Variants in NAAA observed in about 807,000 individuals in gnomAD.
The protein encoded by NAAA is N-acylethanolamine acid amidase.
In NAAA, 39 loss-of-function variants were observed where a neutral mutation model predicts 44.8. The observed-to-expected ratio is 0.87, with a 90% CI of 0.67 to 1.14. The LOEUF (loss-of-function observed/expected upper bound fraction) is 1.14, where lower values mean the gene tolerates loss of function less well. NAAA is among the 50% of genes most tolerant of loss of function. The pLI is 0.00. For synonymous variants in NAAA, 178 were observed against 191.3 expected (o/e 0.93, Z 0.58); for missense variants, 460 against 467.8 (o/e 0.98, Z 0.15).
chr4:75,920,890 T>A, intron 6 of NAAA, 61 bp downstream of exon 6: 1 of 1,612,938 alleles, frequency 6.2e-7, no homozygotes, highest in East Asian at 2.2e-5. Flanking sequence ...ACCCCTCATT[T>A]CACCGATTAA....
At chr4:75,920,605 C>T in intron 7 of NAAA, 133 bp downstream of exon 7, 1 of 1,085,224 alleles carries the variant, frequency 9.2e-7, no homozygotes, top group Non-Finnish European at 1.4e-6. Flanking sequence ...AGCCAAGGCA[C>T]TGGCGAAGGG....
At chr4:75,911,649 C>T (rs555466964), downstream of NAAA, among the ~76,000 whole-genome samples, 2 of 152,182 alleles carry the variant, frequency 1.3e-5, no homozygotes, top group East Asian at 3.9e-4. Flanking sequence ...CCAGTGGTTG[C>T]CAGAATGCAA....
At chr4:75,936,339 C>T in intron 2 of NAAA, 104 bp from the exon 3 acceptor site, 1 of 1,355,058 alleles carries the variant, frequency 7.4e-7, no homozygotes, top group Non-Finnish European at 1.0e-6. Context: ...AAAAGTTTTT[C>T]TTCCTTATAA....
downstream of NAAA, among the ~76,000 whole-genome samples, chr4:75,913,331 C>G (rs140645496): frequency 1.3e-3 from 194 of 152,050 alleles, no homozygotes; most frequent in African/African-American, 4.5e-3. Context: ...TTCCTCAAAC[C>G]CTCTTTGGGA....
chr4:75,918,779 A>C lies in NAAA; in HGVS notation c.980T>G (p.Val327Gly). The change falls in exon 9 of 11, where the codon GTG (valine) becomes GGG (glycine). Residue 327 changes from valine to glycine, a missense_variant. Val to Gly is a moderately radical substitution (Grantham distance 109, BLOSUM62 -3). Coordinates refer to ENST00000286733, the MANE Select transcript of NAAA (RefSeq NM_014435.4). ...CACTTACTTGTTATAAACTGGAACCACCGACAAAATCTGCATAGGAAAAAG... is the reference window on the plus strand; with the variant it reads ...CACTTACTTGTTATAAACTGGAACCCCCGACAAAATCTGCATAGGAAAAAG... ...SLEALFQILS[V>G]VPVYNNFTIY... is the part of the protein sequence containing the mutation. 1 of 1,613,166 alleles carries C rather than the reference A, an allele frequency of 6.2e-7. No individual in the cohort carries two copies. The highest frequency in any genetic ancestry group is 1.1e-5 in the South Asian group (1 of 91,072).
intron 9 of NAAA, among the ~76,000 whole-genome samples, chr4:75,915,300 G>C (rs1339336872): frequency 6.6e-6 from 1 of 152,122 alleles, no homozygotes; most frequent in Non-Finnish European, 1.5e-5. Context: ...ACTGAGCTGA[G>C]ATTGCGCCAC....
At chr4:75,915,085 A>C in intron 9 of NAAA, 100 bp from the exon 10 acceptor site, 1 of 864,532 alleles carries the variant, frequency 1.2e-6, no homozygotes, top group South Asian at 1.4e-5. Context: ...GAGATCTGGG[A>C]CAAGGCCCTT....
chr4:75,911,277 G>A (rs1038845243), downstream of NAAA: 17 of 510,280 alleles, frequency 3.3e-5, no homozygotes, highest in East Asian at 5.2e-5. Flanking sequence ...GGATGTATAC[G>A]TGCAGGTCAC....
rs188044405 is a variant in NAAA at position 75,917,713 on chromosome 4, G to A, written c.998+1048C>T. 105 of 355,562 alleles carry A rather than the reference G, an allele frequency of 3.0e-4. 1 individual carries two copies. In the East Asian group the frequency reaches 8.1e-3, roughly 27 times the overall value. The allele number at this position is 355,562 out of a possible 1,614,324, so 22.0% of individuals were successfully genotyped here. ...ACTCCTGACCTCAAGTGATCCACCC[G>A]CCTTGGCCTCCCAAAGGGCTGGGAT... is the stretch of plus-strand genomic sequence containing the variant. On this transcript the variant is annotated intron_variant, in intron 9 of 10. Coordinates refer to ENST00000286733, the MANE Select transcript of NAAA (RefSeq NM_014435.4).
intron 2 of NAAA, among the ~76,000 whole-genome samples, 182 bp from the exon 3 acceptor site, chr4:75,936,417 G>A (rs547466606): frequency 1.3e-5 from 2 of 152,242 alleles, no homozygotes; most frequent in African/African-American, 4.8e-5. Context: ...AACACAACTG[G>A]ATACAACTCA....
chr4:75,920,097 T>A, intron 7 of NAAA, 122 bp from the exon 8 acceptor site: 1 of 923,664 alleles, frequency 1.1e-6, no homozygotes, highest in East Asian at 2.4e-5. Context: ...CCAAAACAGA[T>A]TCTGGCCCCA....
chr4:75,917,693 T>G (rs904483718), intron 9 of NAAA: 1 of 329,392 alleles, frequency 3.0e-6, no homozygotes, highest in African/African-American at 2.2e-5. Flanking sequence ...CTTGAACTCC[T>G]GACCTCAAGT....
At chr4:75,915,049 A>G in intron 9 of NAAA, 64 bp from the exon 10 acceptor site, 1 of 1,216,316 alleles carries the variant, frequency 8.2e-7, no homozygotes, top group East Asian at 2.3e-5. Context: ...AAGGGAAGAA[A>G]ATGACCAAGT....
chr4:75,938,248 G>A (rs1727903080), intron 2 of NAAA, among the ~76,000 whole-genome samples: 1 of 152,210 alleles, frequency 6.6e-6, no homozygotes, highest in African/African-American at 2.4e-5. Context: ...CTTTGTTAAT[G>A]CTAGTGAATT....
chr4:75,928,192 C>T (rs1411164805), intron 4 of NAAA, among the ~76,000 whole-genome samples: 1 of 152,208 alleles, frequency 6.6e-6, no homozygotes, highest in East Asian at 1.9e-4. Context: ...TGAGTTCAAA[C>T]TTGGAGATTC....
chr4:75,927,120 A>C (rs1403629021), intron 4 of NAAA, among the ~76,000 whole-genome samples: 1 of 152,150 alleles, frequency 6.6e-6, no homozygotes, highest in Non-Finnish European at 1.5e-5. Flanking sequence ...GAGAAATGCA[A>C]ATCAAAACTA....
chr4:75,940,923 G>GC lies in NAAA; in HGVS notation c.26dup (p.Leu12AlafsTer93). On this transcript the variant is annotated frameshift_variant, in exon 1 of 11. Transcript: ENST00000286733. LOFTEE classifies it high-confidence loss of function. ...GCAGCAGCAGGGACGGAAGCCCCGG[G>GC]CGCGCCTCCCGGTCCGCGGTCCGCA... 2.0e-6 allele frequency: 3 copies of GC among 1,504,078 alleles called. No homozygotes were observed. The South Asian group carries it at 3.7e-5, about 19-fold the overall frequency. 93.2% of individuals were successfully genotyped at this position (1,504,078 alleles called of 1,614,324 possible).
chr4:75,934,511 T>G (rs1249892153), intron 3 of NAAA, among the ~76,000 whole-genome samples: 1 of 148,702 alleles, frequency 6.7e-6, no homozygotes, highest in Non-Finnish European at 1.5e-5. Context: ...GTAGTTTTAG[T>G]AGAGACGGGG....
intron 3 of NAAA, among the ~76,000 whole-genome samples, chr4:75,932,488 T>C (rs1727314343): frequency 6.6e-6 from 1 of 152,124 alleles, no homozygotes; most frequent in African/African-American, 2.4e-5. Flanking sequence ...TACCACTATG[T>C]AACCTGCAGG....
Sources: gnomAD v4.1 joint callset for allele counts (sites outside exome capture counted in the v4.1 genomes callset) on GRCh38, gnomAD v4.1.1 for gene constraint, MANE v1.5 for transcripts, NCBI Gene and HGNC (gene_info 2026-07-23, HGNC 2026-07-21) for gene names.